Variants in ABTB2 observed in about 807,000 individuals in gnomAD.
The protein encoded by ABTB2 is ankyrin repeat and BTB domain containing 2, also known as ankyrin repeat and BTB/POZ domain-containing protein 2.
ABTB2 carries 56 observed loss-of-function variants against 104.1 expected under a neutral mutation model. The observed-to-expected ratio is 0.54, with a 90% CI of 0.43 to 0.67. The LOEUF (loss-of-function observed/expected upper bound fraction) is 0.67. ABTB2 is among the 30% of genes least tolerant of loss of function. The probability of loss-of-function intolerance (pLI) is 0.00; values close to 1 mark genes in which losing one functional copy is unlikely to be tolerated. For missense variants in ABTB2, 1,279 were observed against 1,407.7 expected, an observed-to-expected ratio of 0.91 and a Z score of 1.46; for synonymous variants, 606 against 608.2, an observed-to-expected ratio of 1.00 and a Z score of 0.05.
rs770213522 is a variant in ABTB2, at chr11:34,159,318, T to C, written c.2675A>G (p.Asp892Gly). The part of the protein sequence containing the change: ...GDSSKTIEIS[D>G]MKYHIFQMMM... ...CACCTGAAAAATGTGGTACTTCATGTCGCTGATCTCGATGGTCTTGCTGCT... is the reference window on the plus strand; with the variant it reads ...CACCTGAAAAATGTGGTACTTCATGCCGCTGATCTCGATGGTCTTGCTGCT... Residue 892 changes from aspartate to glycine, a missense_variant, in exon 14 of 17, where the codon GAC becomes GGC. Coordinates refer to ENST00000435224, the MANE Select transcript of ABTB2 (RefSeq NM_145804.3). 1 of 1,613,914 alleles carries C rather than the reference T, an allele frequency of 6.2e-7. No homozygotes were observed. Among genetic ancestry groups the C allele is most frequent in the Non-Finnish European group, 8.5e-7 (1 of 1,179,870 alleles).
chr11:34,214,007 G>T (rs887706098), intron 1 of ABTB2, among the ~76,000 whole-genome samples: 3 of 152,096 alleles, frequency 2.0e-5, no homozygotes, highest in African/African-American at 7.2e-5. Flanking sequence ...CTGCCTCTTT[G>T]AAAAGAACAG....
At chr11:34,338,970 TCTGCAGGATA>T (rs1855229024) in intron 1 of ABTB2, among the ~76,000 whole-genome samples, 2 of 152,192 alleles carry the variant, frequency 1.3e-5, no homozygotes, top group Admixed American at 6.5e-5. Flanking sequence ...AGTATCTACC[TCTGCAGGATA>T]CTGTGTGGCT....
chr11:34,272,728 A>AAAAAAAAAAAC (rs1565156120), intron 1 of ABTB2, among the ~76,000 whole-genome samples: 4 of 133,172 alleles, frequency 3.0e-5, no homozygotes, highest in Non-Finnish European at 4.9e-5. Context: ...AAAAAAAAAA[A>AAAAAAAAAAAC]AAACCAACCA....
chr11:34,177,690 C>T (rs1423181508), intron 3 of ABTB2, among the ~76,000 whole-genome samples: 2 of 152,056 alleles, frequency 1.3e-5, no homozygotes, highest in Non-Finnish European at 2.9e-5. Context: ...ACCTCAGCCT[C>T]CCAAATTGCT....
intron 1 of ABTB2, among the ~76,000 whole-genome samples, chr11:34,355,450 TA>T (rs1199846534): frequency 2.0e-5 from 3 of 152,200 alleles, no homozygotes; most frequent in Non-Finnish European, 4.4e-5. Context: ...TCCTTATCTG[TA>T]AAATGGGCAT....
intron 7 of ABTB2, among the ~76,000 whole-genome samples, chr11:34,166,065 G>C (rs2133010751): frequency 6.6e-6 from 1 of 152,342 alleles, no homozygotes; most frequent in Non-Finnish European, 1.5e-5. Flanking sequence ...GCAGGGGTGG[G>C]GCCTGCATTA....
At chr11:34,170,580 C>T (rs1164838094) in intron 5 of ABTB2, among the ~76,000 whole-genome samples, 1 of 152,222 alleles carries the variant, frequency 6.6e-6, no homozygotes. Context: ...ATAGGCTGTA[C>T]TACAGGGTTA....
intron 1 of ABTB2, among the ~76,000 whole-genome samples, chr11:34,219,800 C>T (rs1174347951): frequency 6.6e-6 from 1 of 152,126 alleles, no homozygotes; most frequent in African/African-American, 2.4e-5. Flanking sequence ...TATGATGTTC[C>T]CACAACAAAA....
At chr11:34,162,296 G>A (rs765186692) in intron 10 of ABTB2, among the ~76,000 whole-genome samples, 29 of 152,220 alleles carry the variant, frequency 1.9e-4, no homozygotes, top group African/African-American at 6.8e-4. Flanking sequence ...AGGGGGCAGC[G>A]AAGCTCCAGC....
chr11:34,246,206 TC>T (rs1295944012), intron 1 of ABTB2, among the ~76,000 whole-genome samples: 1 of 152,196 alleles, frequency 6.6e-6, no homozygotes, highest in Non-Finnish European at 1.5e-5. Flanking sequence ...CTCAGGCAAT[TC>T]TGTGGGTTTC....
chr11:34,177,186 A>T (rs1852969355), intron 3 of ABTB2, among the ~76,000 whole-genome samples: 1 of 152,268 alleles, frequency 6.6e-6, no homozygotes, highest in Non-Finnish European at 1.5e-5. Flanking sequence ...TCCTAGCTGC[A>T]CTAGGGGAAA....
chr11:34,254,805 G>A (rs1379783221), intron 1 of ABTB2, among the ~76,000 whole-genome samples: 9 of 151,146 alleles, frequency 6.0e-5, no homozygotes, highest in Admixed American at 5.9e-4. Flanking sequence ...CCGAGTAGCT[G>A]GAATTATAGG....
At chr11:34,317,987 T>C (rs1428773372) in intron 1 of ABTB2, among the ~76,000 whole-genome samples, 1 of 136,102 alleles carries the variant, frequency 7.3e-6, no homozygotes, top group Admixed American at 7.6e-5. Context: ...TTTTGAGACA[T>C]AGCCTCGCTC....
At chr11:34,286,226 G>A (rs1199058265) in intron 1 of ABTB2, among the ~76,000 whole-genome samples, 1 of 151,952 alleles carries the variant, frequency 6.6e-6, no homozygotes, top group Non-Finnish European at 1.5e-5. Context: ...GGGAGGCAGA[G>A]GCAGGAGGAT....
At chr11:34,161,164 T>A (rs1259315153) in intron 10 of ABTB2, 83 bp from the exon 11 acceptor site, 1 of 1,355,366 alleles carries the variant, frequency 7.4e-7, no homozygotes, top group Admixed American at 2.6e-5. Context: ...CTGGGCAGAC[T>A]CTCTCGGGAT....
chr11:34,185,293 G>A (rs1853082924), intron 3 of ABTB2, among the ~76,000 whole-genome samples: 1 of 152,224 alleles, frequency 6.6e-6, no homozygotes, highest in South Asian at 2.1e-4. Context: ...TTGATGGGAT[G>A]GGGGTCATGG....
intron 1 of ABTB2, among the ~76,000 whole-genome samples, chr11:34,324,494 G>A (rs1855043961): frequency 6.6e-6 from 1 of 152,114 alleles, no homozygotes; most frequent in African/African-American, 2.4e-5. Context: ...AAGTCATGCT[G>A]TTAAAAAAAC....
intron 1 of ABTB2, among the ~76,000 whole-genome samples, chr11:34,312,162 G>C (rs1010639834): frequency 6.7e-6 from 1 of 149,632 alleles, no homozygotes; most frequent in East Asian, 1.9e-4. Context: ...AAAAGAAAAA[G>C]AAAAAGAAAA....
chr11:34,226,500 T>C (rs536483307), intron 1 of ABTB2, among the ~76,000 whole-genome samples: 27 of 152,172 alleles, frequency 1.8e-4, no homozygotes, highest in South Asian at 4.1e-4. Flanking sequence ...GTATCACATA[T>C]GGCTTTAACA....
Sources: gnomAD v4.1 joint callset for allele counts (sites outside exome capture counted in the v4.1 genomes callset) on GRCh38, gnomAD v4.1.1 for gene constraint, MANE v1.5 for transcripts, NCBI Gene and HGNC (gene_info 2026-07-23, HGNC 2026-07-21) for gene names.